Variants in HSP90AA1 observed in about 807,000 individuals in gnomAD.
HSP90AA1 encodes heat shock protein HSP 90-alpha.
In HSP90AA1, 18 loss-of-function variants were observed where a neutral mutation model predicts 73.3. The observed-to-expected ratio is 0.25, with a 90% CI of 0.17 to 0.36. The LOEUF (loss-of-function observed/expected upper bound fraction) is 0.36, where lower values mean the gene tolerates loss of function less well. HSP90AA1 is among the 10% of genes least tolerant of loss of function. HSP90AA1 has a pLI of 1.00. For synonymous variants in HSP90AA1, 477 were observed against 296.9 expected (o/e 1.61, Z -6.24); for missense variants, 704 against 874.2 (o/e 0.81, Z 2.45).
intron 1 of HSP90AA1, among the ~76,000 whole-genome samples, chr14:102,133,762 C>T (rs1404169587): frequency 1.3e-5 from 2 of 152,138 alleles, no homozygotes; most frequent in East Asian, 3.9e-4. Context: ...GGATTACAGG[C>T]ATGAGCCACG....
At position 102,123,307 on chromosome 14, in the gene HSP90AA1, T is replaced by A. The variant is rs1412729288; in HGVS notation, c.155+15943A>T. On this transcript the variant is annotated intron_variant, in intron 1 of 11. Transcript: ENST00000334701. ...GCTACTTGAGAGGGTTAGGCAGAAT[T>A]GCTTTAACCTGGGAGGCAGTAGTGA... is the stretch of plus-strand genomic sequence containing the variant. Among the ~76,000 whole-genome samples, 3 of 151,996 alleles carry A rather than the reference T, an allele frequency of 2.0e-5. No individual in the cohort carries two copies. In the East Asian group the frequency reaches 5.8e-4, roughly 29 times the overall value.
chr14:102,088,424 T>C (rs4906179), upstream of HSP90AA1, among the ~76,000 whole-genome samples: 141,820 of 152,332 alleles, frequency 0.93, 66,066 homozygotes, highest in East Asian at 1. Flanking sequence ...TTCCTGGTCT[T>C]TAGGGAAACG....
upstream of HSP90AA1, among the ~76,000 whole-genome samples, chr14:102,087,955 T>TTC (rs2049289795): frequency 3.5e-5 from 5 of 142,228 alleles, no homozygotes; most frequent in Admixed American, 1.4e-4. Flanking sequence ...TTTTTTCTTT[T>TTC]TTTTTTTTTT....
intron 1 of HSP90AA1, among the ~76,000 whole-genome samples, chr14:102,127,914 T>A (rs191138182): frequency 1.3e-5 from 2 of 152,242 alleles, no homozygotes; most frequent in East Asian, 3.9e-4. Context: ...CCCAAAGTGC[T>A]GGGATTATAG....
Position 102,081,434 on chromosome 14 carries a change from A to ACG in HSP90AA1, c.*277_*278insCG. The ACG allele has an allele frequency of 1.9e-6, 1 of 524,100 alleles. No homozygotes were observed. Among genetic ancestry groups the ACG allele is most frequent in the Non-Finnish European group, 3.4e-6 (1 of 292,286 alleles). 32.5% of individuals were successfully genotyped at this position (524,100 alleles called of 1,614,324 possible). A position where few individuals can be genotyped will look rare whatever the true frequency, so the allele number is the denominator to read the frequency against. On this transcript the variant is annotated 3_prime_UTR_variant, in exon 11 of 11. Coordinates refer to ENST00000216281, the MANE Select transcript of HSP90AA1 (RefSeq NM_005348.4). ...GCTTGACAGCTAAACACTTTAGACC[A>ACG]CAAAGTTAACATCATGTTACATACG...
At chr14:102,087,931 GTTTT>G (rs71116877), upstream of HSP90AA1, among the ~76,000 whole-genome samples, 14 of 109,790 alleles carry the variant, frequency 1.3e-4, no homozygotes, top group South Asian at 3.2e-4. Context: ...GCCCTAAAAG[GTTTT>G]TTTTTTTTTT....
At chr14:102,104,199 G>A (rs1344058698) in intron 1 of HSP90AA1, among the ~76,000 whole-genome samples, 1 of 151,940 alleles carries the variant, frequency 6.6e-6, no homozygotes, top group Non-Finnish European at 1.5e-5. Flanking sequence ...ACATATTTTT[G>A]GGGTACATGT....
At chr14:102,088,759 C>T, upstream of HSP90AA1, among the ~76,000 whole-genome samples, 1 of 152,184 alleles carries the variant, frequency 6.6e-6, no homozygotes, top group East Asian at 1.9e-4. Flanking sequence ...CCGCCTTTGC[C>T]TGTTTCCTTC....
At chr14:102,084,031 CTG>C in intron 6 of HSP90AA1, 48 bp from the exon 7 acceptor site, 1 of 1,390,450 alleles carries the variant, frequency 7.2e-7, no homozygotes, top group Non-Finnish European at 1.0e-6. Flanking sequence ...AAGGACAAAA[CTG>C]GTACTATGTA....
chr14:102,109,592 G>T (rs2049612886), intron 1 of HSP90AA1, among the ~76,000 whole-genome samples: 1 of 152,204 alleles, frequency 6.6e-6, no homozygotes, highest in Admixed American at 6.5e-5. Flanking sequence ...ATGTGGAACT[G>T]TAAGACCATT....
At chr14:102,136,248 T>C (rs1005507421) in intron 1 of HSP90AA1, among the ~76,000 whole-genome samples, 5 of 152,042 alleles carry the variant, frequency 3.3e-5, no homozygotes, top group Non-Finnish European at 7.4e-5. Context: ...ATTCATAAGG[T>C]TTAGAAACTG....
In HSP90AA1 at chr14:102,085,738, G is replaced by C. The variant is rs371481339; in HGVS notation, c.529+20C>G. ...CACCCTTCCACCGCTCACTTAACCA[G>C]TGAATGTTCAGGTGCCTACCTGTGT... On this transcript the variant is annotated intron_variant, in intron 3 of 10. Transcript: ENST00000216281. 4.3e-6 allele frequency: 7 copies of C among 1,613,932 alleles called. No homozygotes were observed. In the South Asian group the frequency reaches 6.6e-5, roughly 15 times the overall value.
At chr14:102,127,065 T>C (rs1175977530) in intron 1 of HSP90AA1, among the ~76,000 whole-genome samples, 1 of 151,604 alleles carries the variant, frequency 6.6e-6, no homozygotes, top group Non-Finnish European at 1.5e-5. Context: ...AATCACCTCT[T>C]CATAGCCTCC....
chr14:102,117,852 G>T (rs1852281195), intron 1 of HSP90AA1, among the ~76,000 whole-genome samples: 1 of 152,182 alleles, frequency 6.6e-6, no homozygotes, highest in African/African-American at 2.4e-5. Flanking sequence ...CCTGAGCCAG[G>T]GTTTTGAGTC....
chr14:102,109,583 T>C (rs1045324137), intron 1 of HSP90AA1, among the ~76,000 whole-genome samples: 2 of 152,200 alleles, frequency 1.3e-5, no homozygotes, highest in Admixed American at 6.5e-5. Context: ...TCCCCAGCCA[T>C]GTGGAACTGT....
chr14:102,128,737 G>T (rs2049868674), intron 1 of HSP90AA1, among the ~76,000 whole-genome samples: 1 of 152,044 alleles, frequency 6.6e-6, no homozygotes, highest in Non-Finnish European at 1.5e-5. Context: ...GGAGGCGGAG[G>T]TTACAGGGAG....
rs1566718665 is a variant in HSP90AA1 at position 102,083,559 on chromosome 14, GAT to G, written c.1471_1472del (p.Ile491LeufsTer6). 2 of 1,613,588 alleles carry G rather than the reference GAT, an allele frequency of 1.2e-6. No homozygotes were observed. The highest frequency in any genetic ancestry group is 1.7e-6 in the Non-Finnish European group (2 of 1,179,734). On this transcript the variant is annotated frameshift_variant, in exon 8 of 11. Coordinates refer to ENST00000216281, the MANE Select transcript of HSP90AA1 (RefSeq NM_005348.4). LOFTEE classifies it high-confidence loss of function. ...CTRMKENQKH[I>X]YYITGETKDQ... ...GTGTTCTCTTACCTGTGATATAATAGATATGTTTCTGGTTCTCCTTCATTCTG... is the reference window on the plus strand; with the variant it reads ...GTGTTCTCTTACCTGTGATATAATAGATGTTTCTGGTTCTCCTTCATTCTG...
At chr14:102,103,694 C>T (rs1016463560) in intron 1 of HSP90AA1, among the ~76,000 whole-genome samples, 7 of 151,672 alleles carry the variant, frequency 4.6e-5, no homozygotes, top group African/African-American at 1.5e-4. Flanking sequence ...ATCCCAGATA[C>T]TTGGGAGGCA....
rs376634551 is a variant in HSP90AA1, at chr14:102,085,261, A to G, written c.663+37T>C. The G allele has an allele frequency of 3.8e-6, 6 of 1,598,740 alleles. No homozygotes were observed. The African/African-American group carries it at 6.7e-5, about 18-fold the overall frequency. ...TAGTACAGTCACCCCAATCACCTACAGACAGAAATTCACTCTGCAATTACA... is the reference window on the plus strand; with the variant it reads ...TAGTACAGTCACCCCAATCACCTACGGACAGAAATTCACTCTGCAATTACA... On this transcript the variant is annotated intron_variant, in intron 4 of 10. Transcript: ENST00000216281.
Sources: gnomAD v4.1 joint callset for allele counts (sites outside exome capture counted in the v4.1 genomes callset) on GRCh38, gnomAD v4.1.1 for gene constraint, MANE v1.5 for transcripts, NCBI Gene and HGNC (gene_info 2026-07-23, HGNC 2026-07-21) for gene names.